USP13: variants seen among roughly 807,000 people sequenced by gnomAD.
USP13 encodes the protein ubiquitin carboxyl-terminal hydrolase 13.
Under a neutral mutation model 107.8 loss-of-function variants are expected in USP13, and 68 were observed. The ratio of observed to expected loss-of-function variants is 0.63; its 90% CI spans 0.52 to 0.77. The LOEUF is 0.77. USP13 is among the 30% of genes least tolerant of loss of function. The pLI is 0.00. For missense variants in USP13, 945 were observed against 1,093.3 expected, an observed-to-expected ratio of 0.86 and a Z score of 1.91; for synonymous variants, 377 against 389.5, an observed-to-expected ratio of 0.97 and a Z score of 0.38.
At chr3:179,777,754 A>G (rs948411878) in intron 19 of USP13, among the ~76,000 whole-genome samples, 4 of 152,120 alleles carry the variant, frequency 2.6e-5, no homozygotes, top group Non-Finnish European at 4.4e-5. Context: ...CCTGGCCTGT[A>G]TCCTCTCTTC....
chr3:179,668,543 A>C (rs1485234872), intron 1 of USP13, among the ~76,000 whole-genome samples: 2 of 151,786 alleles, frequency 1.3e-5, no homozygotes, highest in Admixed American at 1.3e-4. Context: ...TATCCAGTCT[A>C]TTTTCTTTCT....
intron 1 of USP13, among the ~76,000 whole-genome samples, chr3:179,658,439 C>T (rs909141790): frequency 2.0e-5 from 3 of 152,150 alleles, no homozygotes; most frequent in Non-Finnish European, 2.9e-5. Context: ...TAATTCTGCC[C>T]CCCTCCCCAC....
chr3:179,717,968 CT>C (rs1283656776), intron 6 of USP13, among the ~76,000 whole-genome samples: 1 of 149,848 alleles, frequency 6.7e-6, no homozygotes, highest in East Asian at 2.0e-4. Context: ...GACTGAATTT[CT>C]TTGGGGAGCA....
At chr3:179,739,039 C>G (rs1195136753) in intron 10 of USP13, among the ~76,000 whole-genome samples, 1 of 152,090 alleles carries the variant, frequency 6.6e-6, no homozygotes, top group Non-Finnish European at 1.5e-5. Flanking sequence ...TGTGGGGGAA[C>G]ATTGGTGGTT....
chr3:179,755,508 G>A (rs1026327092), intron 15 of USP13, among the ~76,000 whole-genome samples: 5 of 152,030 alleles, frequency 3.3e-5, no homozygotes, highest in East Asian at 1.9e-4. Context: ...CCTTGTGAGC[G>A]AGGATGGTCT....
At chr3:179,689,779 A>G (rs149633961) in intron 2 of USP13, among the ~76,000 whole-genome samples, 1 of 152,330 alleles carries the variant, frequency 6.6e-6, no homozygotes, top group Non-Finnish European at 1.5e-5. Context: ...CAGACTATCA[A>G]TGACTATTGA....
At position 179,752,314 on chromosome 3, in the gene USP13, A is replaced by G; in HGVS notation, c.1739A>G (p.Tyr580Cys). ...KTSRFASFPE[Y>C]LVVQIKKFTF... ...TCTCGCTTTGCTTCATTCCCTGAAT[A>G]CTTGGTAGTGCAGATAAAGAAGTTC... Residue 580 changes from tyrosine (Y) to cysteine (C), a missense_variant, in exon 14 of 21, where the codon TAC becomes TGC. Physicochemically the swap from Tyr to Cys is radical, Grantham distance 194. Coordinates refer to ENST00000263966, the MANE Select transcript of USP13 (RefSeq NM_003940.3). 1 of 1,614,110 alleles carries G rather than the reference A, an allele frequency of 6.2e-7. No homozygotes were observed. The highest frequency in any genetic ancestry group is 8.5e-7 in the Non-Finnish European group (1 of 1,179,996).
chr3:179,677,306 G>C (rs561110221), intron 1 of USP13, among the ~76,000 whole-genome samples: 1 of 151,858 alleles, frequency 6.6e-6, no homozygotes, highest in African/African-American at 2.4e-5. Flanking sequence ...ATTTCTGGCC[G>C]GGTGCAGTGG....
At chr3:179,661,461 AT>A (rs5854840) in intron 1 of USP13, among the ~76,000 whole-genome samples, 36,712 of 147,910 alleles carry the variant, frequency 0.25, 5,253 homozygotes, top group East Asian at 0.48. Flanking sequence ...CATAGATAGG[AT>A]TTTTTTTTTT....
intron 3 of USP13, among the ~76,000 whole-genome samples, chr3:179,696,269 A>G (rs1405778845): frequency 6.6e-6 from 1 of 151,998 alleles, no homozygotes; most frequent in East Asian, 1.9e-4. Context: ...AGTTGTTAGA[A>G]CATAAATACT....
chr3:179,728,974 C>T (rs62290417), intron 8 of USP13, among the ~76,000 whole-genome samples: 3 of 113,066 alleles, frequency 2.7e-5, no homozygotes, highest in South Asian at 3.1e-4. Context: ...CGTGGGGAGA[C>T]GGAGAGGAAG....
intron 6 of USP13, among the ~76,000 whole-genome samples, chr3:179,710,246 C>T (rs758837688): frequency 6.6e-5 from 10 of 152,086 alleles, no homozygotes; most frequent in Non-Finnish European, 1.0e-4. Context: ...GGTTACAGCG[C>T]GGTGTTTACA....
rs920439392 is a variant in USP13, at chr3:179,784,227, C to G, written c.*86C>G. 32 of 1,084,092 alleles carry G rather than the reference C, an allele frequency of 3.0e-5. No individual in the cohort carries two copies. Among genetic ancestry groups the G allele is most frequent in the Non-Finnish European group, 3.8e-5 (28 of 733,214 alleles). The allele number at this position is 1,084,092 out of a possible 1,614,324, so 67.2% of individuals were successfully genotyped here. On this transcript the variant is annotated 3_prime_UTR_variant, in exon 21 of 21. Transcript: ENST00000263966. Reference sequence around the variant, plus strand: ...AAAGAAGAAGAAGAAGTTGAAACAACTAGACATGAAGGAATATATGGGGTA... The same window carrying G: ...AAAGAAGAAGAAGAAGTTGAAACAAGTAGACATGAAGGAATATATGGGGTA...
chr3:179,777,443 C>CTTTTTTTTTTTTTTTT (rs11317182), intron 19 of USP13, among the ~76,000 whole-genome samples: 2 of 113,696 alleles, frequency 1.8e-5, no homozygotes, highest in Non-Finnish European at 1.7e-5. Flanking sequence ...CTCTCTCTCT[C>CTTTTTTTTTTTTTTTT]TTTTTTTTTT....
chr3:179,694,423 A>G (rs1023139802), intron 3 of USP13, among the ~76,000 whole-genome samples: 1 of 152,118 alleles, frequency 6.6e-6, no homozygotes, highest in African/African-American at 2.4e-5. Flanking sequence ...ATCCTGGCCC[A>G]TGATTTCCAA....
chr3:179,760,282 G>GTTTTTTTT (rs1363561918), intron 16 of USP13, among the ~76,000 whole-genome samples: 1 of 123,468 alleles, frequency 8.1e-6, no homozygotes, highest in East Asian at 2.3e-4. Flanking sequence ...GTCTCTTAAT[G>GTTTTTTTT]TTTTTTTTTT....
intron 19 of USP13, among the ~76,000 whole-genome samples, chr3:179,778,334 T>C (rs1023911964): frequency 2.0e-5 from 3 of 152,232 alleles, no homozygotes; most frequent in African/African-American, 7.2e-5. Context: ...CAGATACTTA[T>C]TAAGTACCTA....
intron 18 of USP13, among the ~76,000 whole-genome samples, chr3:179,764,819 G>T (rs1715121685): frequency 6.6e-6 from 1 of 152,192 alleles, no homozygotes; most frequent in Non-Finnish European, 1.5e-5. Context: ...TTTTTGAGTA[G>T]ATATCTGCTC....
At chr3:179,697,776 C>A (rs1379020200) in intron 3 of USP13, among the ~76,000 whole-genome samples, 2 of 152,004 alleles carry the variant, frequency 1.3e-5, no homozygotes, top group Non-Finnish European at 2.9e-5. Flanking sequence ...TAGATTTGTC[C>A]CCTGAAATCA....
Sources: gnomAD v4.1 joint callset for allele counts (sites outside exome capture counted in the v4.1 genomes callset) on GRCh38, gnomAD v4.1.1 for gene constraint, MANE v1.5 for transcripts, NCBI Gene and HGNC (gene_info 2026-07-23, HGNC 2026-07-21) for gene names.